The following HHIP variants were observed in gnomAD, a reference collection of about 807,000 sequenced individuals.
HHIP encodes the protein hedgehog-interacting protein.
HHIP carries 12 observed loss-of-function variants against 74.0 expected under a neutral mutation model. The ratio of observed to expected loss-of-function variants is 0.16; its 90% CI spans 0.10 to 0.26. The LOEUF (loss-of-function observed/expected upper bound fraction) is 0.26, where lower values mean the gene tolerates loss of function less well. Ranked by LOEUF, HHIP falls within the 10% of genes least tolerant of loss-of-function variation. The pLI, the probability that HHIP is intolerant of heterozygous loss-of-function variation, is 1.00. For synonymous variants in HHIP, 309 were observed against 311.6 expected (o/e 0.99, Z 0.09); for missense variants, 788 against 845.0 (o/e 0.93, Z 0.84).
At position 144,677,972 on chromosome 4, in the gene HHIP, C is replaced by T. The variant is rs148608312; in HGVS notation, c.831+18134C>T. ...ATATGTCCAGGAAGCCTTGCTGGAA[C>T]GCCAGAAGCAATGGGGTCAAAAAGA... is the stretch of plus-strand genomic sequence containing the variant. On this transcript the variant is annotated intron_variant, in intron 4 of 12. Coordinates refer to ENST00000296575, the MANE Select transcript of HHIP (RefSeq NM_022475.3). Among the ~76,000 whole-genome samples, 22 of 152,188 alleles carry T rather than the reference C, an allele frequency of 1.4e-4. No individual in the cohort carries two copies. The East Asian group carries it at 2.7e-3, about 19-fold the overall frequency.
At chr4:144,679,712 G>T (rs1729281019) in intron 4 of HHIP, among the ~76,000 whole-genome samples, 1 of 152,092 alleles carries the variant, frequency 6.6e-6, no homozygotes, top group African/African-American at 2.4e-5. Context: ...TGAGGCCTCT[G>T]TTCTGTTCTG....
At chr4:144,672,240 G>A (rs1195125347) in intron 4 of HHIP, among the ~76,000 whole-genome samples, 1 of 152,092 alleles carries the variant, frequency 6.6e-6, no homozygotes, top group Non-Finnish European at 1.5e-5. Context: ...GAGTTTGGGT[G>A]GGTACCTTGC....
chr4:144,689,715 C>T (rs1292605662), intron 4 of HHIP, among the ~76,000 whole-genome samples: 1 of 152,144 alleles, frequency 6.6e-6, no homozygotes, highest in African/African-American at 2.4e-5. Flanking sequence ...CAAGATGCTT[C>T]TTTTTTCTAC....
intron 4 of HHIP, among the ~76,000 whole-genome samples, chr4:144,683,473 T>C (rs1227095784): frequency 6.6e-6 from 1 of 152,232 alleles, no homozygotes; most frequent in Non-Finnish European, 1.5e-5. Context: ...TGGTTGGTTC[T>C]TGGAAACTAA....
At chr4:144,673,529 C>T (rs1009174016) in intron 4 of HHIP, among the ~76,000 whole-genome samples, 1 of 152,054 alleles carries the variant, frequency 6.6e-6, no homozygotes, top group African/African-American at 2.4e-5. Context: ...ATATGTGTTC[C>T]TCCTAGGAAA....
chr4:144,676,770 G>A (rs1729180756), intron 4 of HHIP, among the ~76,000 whole-genome samples: 1 of 152,146 alleles, frequency 6.6e-6, no homozygotes, highest in Non-Finnish European at 1.5e-5. Context: ...AATTTCATGA[G>A]GGAGAGGAAA....
rs374662693 is a variant in HHIP at position 144,742,983 on chromosome 4, ACATT to A, written c.*5027_*5030del. On this transcript the variant is annotated 3_prime_UTR_variant, in exon 13 of 13. Transcript: ENST00000296575. ...ATATAAGATATATGTATATATATAT[ACATT>A]ATATATATATAATATATATATATTA... 0.02 allele frequency: 39 copies of A among 1,982 alleles called. No individual in the cohort carries two copies. In the South Asian group the frequency reaches 0.24, roughly 12 times the overall value. The allele number at this position is 1,982 out of a possible 1,614,324, so 0.1% of individuals were successfully genotyped here. A position where few individuals can be genotyped will look rare whatever the true frequency, so the allele number is the denominator to read the frequency against.
At chr4:144,675,319 A>C (rs1402684462) in intron 4 of HHIP, among the ~76,000 whole-genome samples, 5 of 152,182 alleles carry the variant, frequency 3.3e-5, no homozygotes, top group African/African-American at 1.2e-4. Context: ...ATCAGAATAC[A>C]ATTAATTTTT....
chr4:144,721,507 TG>T (rs1351355841), intron 11 of HHIP, among the ~76,000 whole-genome samples: 3 of 150,240 alleles, frequency 2.0e-5, no homozygotes, highest in African/African-American at 4.9e-5. Context: ...CAGAAAAGGA[TG>T]GTGAGATATT....
intron 4 of HHIP, among the ~76,000 whole-genome samples, chr4:144,679,455 T>C (rs1729273403): frequency 6.6e-6 from 1 of 152,228 alleles, no homozygotes; most frequent in Non-Finnish European, 1.5e-5. Flanking sequence ...TCTTTGCCCA[T>C]GCCTATGTCC....
intron 7 of HHIP, among the ~76,000 whole-genome samples, chr4:144,710,637 T>TC (rs767362040): frequency 2.6e-5 from 4 of 152,220 alleles, no homozygotes; most frequent in Admixed American, 1.3e-4. Context: ...ACAGTGATTC[T>TC]CAATGGGATA....
intron 4 of HHIP, among the ~76,000 whole-genome samples, chr4:144,686,184 G>A (rs1729479878): frequency 6.6e-6 from 1 of 152,174 alleles, no homozygotes; most frequent in African/African-American, 2.4e-5. Flanking sequence ...AATTGGTTAA[G>A]GAAGTAAGTG....
rs1376754496 is a variant in HHIP, at chr4:144,710,946, A to G, written c.1302-1004A>G. Among the ~76,000 whole-genome samples, 4 of 152,116 alleles carry G rather than the reference A, an allele frequency of 2.6e-5. No homozygotes were observed. In the South Asian group the frequency reaches 8.3e-4, roughly 32 times the overall value. On this transcript the variant is annotated intron_variant, in intron 7 of 12. Transcript: ENST00000296575. ...TCTTCCCCCAACCCAAGCTCCTCAT[A>G]CCCAGTCCCTCAGTGATTGAAACAT...
chr4:144,703,570 C>T (rs1366718247), intron 4 of HHIP, among the ~76,000 whole-genome samples: 1 of 152,018 alleles, frequency 6.6e-6, no homozygotes, highest in East Asian at 1.9e-4. Flanking sequence ...GCTGGGTTAT[C>T]GGATTTGGAA....
intron 1 of HHIP, among the ~76,000 whole-genome samples, chr4:144,651,656 G>A (rs1054225017): frequency 1.1e-4 from 16 of 151,978 alleles, no homozygotes; most frequent in African/African-American, 3.9e-4. Context: ...GATTTTGACA[G>A]CACTACATTT....
Position 144,705,182 on chromosome 4 carries a change from C to T in HHIP, c.832-1349C>T, listed in dbSNP as rs146040339. ...ATACCTAAAAACAGTTTTCTCTAAG[C>T]CAGGAAACAAATCGATGTTTATTAA... On this transcript the variant is annotated intron_variant, in intron 4 of 12. Transcript: ENST00000296575. Among the ~76,000 whole-genome samples, 544 of 152,194 alleles carry T rather than the reference C, an allele frequency of 3.6e-3. 1 individual carries two copies. The highest frequency in any genetic ancestry group is 6.0e-3 in the Non-Finnish European group (407 of 68,004).
intron 4 of HHIP, among the ~76,000 whole-genome samples, chr4:144,686,745 G>A (rs1399622158): frequency 6.6e-6 from 1 of 152,154 alleles, no homozygotes; most frequent in Non-Finnish European, 1.5e-5. Context: ...TGGAAAGAAG[G>A]AGAAGAGAGA....
intron 4 of HHIP, among the ~76,000 whole-genome samples, chr4:144,699,793 C>T (rs1729926709): frequency 6.6e-6 from 1 of 151,914 alleles, no homozygotes; most frequent in South Asian, 2.1e-4. Flanking sequence ...ATCATGCAGT[C>T]CTTCCCATAA....
intron 11 of HHIP, among the ~76,000 whole-genome samples, chr4:144,723,314 C>A (rs926997012): frequency 1.3e-5 from 2 of 152,114 alleles, no homozygotes; most frequent in African/African-American, 4.8e-5. Context: ...CCTCTGTGAC[C>A]AATATCAAAA....
Sources: allele counts gnomAD v4.1 joint callset (sites outside exome capture counted in the v4.1 genomes callset), GRCh38; gene constraint gnomAD v4.1.1; transcripts MANE v1.5; gene names NCBI Gene and HGNC (gene_info 2026-07-23, HGNC 2026-07-21).